NAV3: variants seen among roughly 807,000 people sequenced by gnomAD.
NAV3 encodes the protein pore membrane and/or filament interacting like protein 1.
Under a neutral mutation model 244.7 loss-of-function variants are expected in NAV3, and 87 were observed. The ratio of observed to expected loss-of-function variants is 0.36; its 90% CI spans 0.30 to 0.42. The LOEUF (loss-of-function observed/expected upper bound fraction) is 0.42, where lower values mean the gene tolerates loss of function less well. Among genes scored for constraint, NAV3 ranks in the 20% least tolerant of loss-of-function variants. The pLI, the probability that NAV3 is intolerant of heterozygous loss-of-function variation, is 1.00. For missense variants in NAV3, 2,663 were observed against 2,893.3 expected, an observed-to-expected ratio of 0.92 and a Z score of 1.83; for synonymous variants, 1,126 against 1,042.2, an observed-to-expected ratio of 1.08 and a Z score of -1.55.
intron 1 of NAV3, among the ~76,000 whole-genome samples, chr12:77,887,753 TA>T (rs1883459833): frequency 6.6e-6 from 1 of 152,126 alleles, no homozygotes; most frequent in East Asian, 1.9e-4. Flanking sequence ...AAAATTAATT[TA>T]AAAGTAAGTA....
intron 1 of NAV3, among the ~76,000 whole-genome samples, chr12:77,843,784 G>A (rs560854396): frequency 2.0e-5 from 3 of 151,904 alleles, no homozygotes; most frequent in African/African-American, 7.2e-5. Flanking sequence ...TCTCACAAAG[G>A]GCGGGGGGCA....
chr12:77,849,654 A>G (rs772710851), intron 1 of NAV3, among the ~76,000 whole-genome samples: 21 of 152,200 alleles, frequency 1.4e-4, no homozygotes, highest in Non-Finnish European at 2.2e-4. Flanking sequence ...CTCATTATGT[A>G]TATGCAAAGA....
intron 12 of NAV3, among the ~76,000 whole-genome samples, chr12:78,104,689 G>A (rs535226485): frequency 6.6e-6 from 1 of 152,248 alleles, no homozygotes; most frequent in South Asian, 2.1e-4. Flanking sequence ...TTAATATCAT[G>A]TAAAATTTGT....
chr12:78,151,716 C>A (rs1370836003), intron 22 of NAV3, among the ~76,000 whole-genome samples: 1 of 151,716 alleles, frequency 6.6e-6, no homozygotes, highest in East Asian at 1.9e-4. Context: ...CATGAATCCA[C>A]ATATGTCAAT....
intron 2 of NAV3, among the ~76,000 whole-genome samples, chr12:77,583,413 T>C (rs1869458352): frequency 6.6e-6 from 1 of 152,240 alleles, no homozygotes; most frequent in Non-Finnish European, 1.5e-5. Context: ...ATGTACATGT[T>C]ATTTTCTAAT....
At chr12:77,677,427 C>T (rs1007973712) in intron 2 of NAV3, among the ~76,000 whole-genome samples, 1 of 152,136 alleles carries the variant, frequency 6.6e-6, no homozygotes, top group East Asian at 1.9e-4. Context: ...GTTTAATGCC[C>T]GGTTGTTGTT....
At chr12:77,875,976 C>T (rs1191374668) in intron 1 of NAV3, among the ~76,000 whole-genome samples, 2 of 151,914 alleles carry the variant, frequency 1.3e-5, no homozygotes, top group African/African-American at 4.8e-5. Flanking sequence ...TTTTCCAAGG[C>T]ATAGGATAGA....
rs757934413 is a variant in NAV3, at chr12:78,210,480, A to T, written c.7121A>T (p.Glu2374Val). The change falls in exon 40 of 40, where the codon GAA becomes GTA. Residue 2374 changes from glutamate to valine, a missense_variant. Physicochemically the swap from Glu to Val is moderately radical, Grantham distance 121. Transcript: ENST00000397909. ...GACAGCGAAAGCACCAGCCACCATG[A>T]AGACATTTTGGATTCATCTCTTGAA... is the stretch of plus-strand genomic sequence containing the variant. The part of the protein sequence containing the change: ...SCDSESTSHH[E>V]DILDSSLEST... 1.8e-5 allele frequency: 29 copies of T among 1,613,766 alleles called. No individual in the cohort carries two copies. Among genetic ancestry groups the T allele is most frequent in the Non-Finnish European group, 2.3e-5 (27 of 1,179,882 alleles).
intron 2 of NAV3, among the ~76,000 whole-genome samples, chr12:77,671,239 G>T (rs1873957944): frequency 6.6e-6 from 1 of 151,914 alleles, no homozygotes; most frequent in African/African-American, 2.4e-5. Context: ...AAAATACTTA[G>T]GACTATACCT....
chr12:77,686,047 G>A (rs991875536), intron 2 of NAV3, among the ~76,000 whole-genome samples: 4 of 152,096 alleles, frequency 2.6e-5, no homozygotes, highest in Non-Finnish European at 4.4e-5. Flanking sequence ...CTCTAGATGT[G>A]GAATTCCTCC....
intron 8 of NAV3, among the ~76,000 whole-genome samples, chr12:78,021,326 A>C (rs533658428): frequency 1.9e-3 from 284 of 152,232 alleles, no homozygotes; most frequent in African/African-American, 6.6e-3. Flanking sequence ...TTTTATTTTT[A>C]CACATATTTT....
At chr12:77,812,560 AC>A (rs1469055747) in intron 2 of NAV3, among the ~76,000 whole-genome samples, 1 of 151,880 alleles carries the variant, frequency 6.6e-6, no homozygotes, top group African/African-American at 2.4e-5. Flanking sequence ...GATTACAGGC[AC>A]CTACCACTAT....
At chr12:77,676,255 C>A (rs1284230884) in intron 2 of NAV3, among the ~76,000 whole-genome samples, 1 of 151,916 alleles carries the variant, frequency 6.6e-6, no homozygotes, top group African/African-American at 2.4e-5. Flanking sequence ...TTGCCCCCCA[C>A]CCACCAACAG....
intron 2 of NAV3, among the ~76,000 whole-genome samples, chr12:77,636,658 AG>A (rs1872170729): frequency 1.3e-5 from 2 of 152,100 alleles, no homozygotes; most frequent in Admixed American, 1.3e-4. Context: ...ATATACCCAA[AG>A]GATTATAAAT....
intron 1 of NAV3, among the ~76,000 whole-genome samples, chr12:77,883,681 G>A (rs1391313031): frequency 1.3e-5 from 2 of 152,186 alleles, no homozygotes; most frequent in Non-Finnish European, 2.9e-5. Flanking sequence ...GAGAGACAGA[G>A]TGAGGTGAGA....
chr12:77,614,115 C>T (rs1163057421), intron 2 of NAV3, among the ~76,000 whole-genome samples: 1 of 144,632 alleles, frequency 6.9e-6, no homozygotes, highest in East Asian at 2.0e-4. Flanking sequence ...ACAGGGTCTC[C>T]CTCCTTCACC....
chr12:77,718,004 C>T (rs1415272040), intron 2 of NAV3, among the ~76,000 whole-genome samples: 1 of 152,104 alleles, frequency 6.6e-6, no homozygotes, highest in African/African-American at 2.4e-5. Context: ...GAATTGCAAA[C>T]ATTCCCTCCC....
chr12:78,076,991 A>G (rs111547778), intron 12 of NAV3, among the ~76,000 whole-genome samples: 1 of 152,196 alleles, frequency 6.6e-6, no homozygotes, highest in African/African-American at 2.4e-5. Context: ...TGTCTAAAAC[A>G]TCAAAGAATT....
intron 2 of NAV3, among the ~76,000 whole-genome samples, chr12:77,588,816 TTTA>T (rs1349231838): frequency 6.6e-6 from 1 of 152,334 alleles, no homozygotes; most frequent in East Asian, 1.9e-4. Context: ...ACAAAATATT[TTTA>T]TTTGAGAGGA....
Sources: allele counts gnomAD v4.1 joint callset (sites outside exome capture counted in the v4.1 genomes callset), GRCh38; gene constraint gnomAD v4.1.1; transcripts MANE v1.5; gene names NCBI Gene and HGNC (gene_info 2026-07-23, HGNC 2026-07-21).